ARFGEF2: variants seen among roughly 807,000 people sequenced by gnomAD.
ARFGEF2 encodes brefeldin A-inhibited guanine nucleotide-exchange protein 2.
A neutral mutation model predicts 219.9 loss-of-function variants in ARFGEF2; 74 were observed. The ratio of observed to expected loss-of-function variants is 0.34; its 90% confidence interval spans 0.28 to 0.41. The LOEUF (loss-of-function observed/expected upper bound fraction) is 0.41. ARFGEF2 is among the 10% of genes least tolerant of loss of function. ARFGEF2 has a pLI of 1.00. For synonymous variants in ARFGEF2, 733 were observed against 799.2 expected, an observed-to-expected ratio of 0.92 and a Z score of 1.40; for missense variants, 1,743 against 2,218.3, an observed-to-expected ratio of 0.79 and a Z score of 4.30.
chr20:48,995,540 A>G (rs192142861), intron 22 of ARFGEF2, among the ~76,000 whole-genome samples: 1 of 152,320 alleles, frequency 6.6e-6, no homozygotes. Flanking sequence ...AAAATGTAAA[A>G]GATTATAGAG....
intron 21 of ARFGEF2, among the ~76,000 whole-genome samples, chr20:48,991,453 A>G (rs1420268908): frequency 2.0e-5 from 3 of 149,376 alleles, no homozygotes; most frequent in East Asian, 2.0e-4. Flanking sequence ...CTTTCTTTCC[A>G]TATTAGTGCC....
At chr20:48,937,408 T>G (rs1255971784) in intron 1 of ARFGEF2, among the ~76,000 whole-genome samples, 1 of 152,100 alleles carries the variant, frequency 6.6e-6, no homozygotes, top group African/African-American at 2.4e-5. Flanking sequence ...CTTTCTTTCT[T>G]TATTTCTTTT....
At position 49,012,094 on chromosome 20, in the gene ARFGEF2, T is replaced by TC. The variant is rs772030458; in HGVS notation, c.3918+14dup. On this transcript the variant is annotated intron_variant, in intron 28 of 38. Coordinates refer to ENST00000371917, the MANE Select transcript of ARFGEF2 (RefSeq NM_006420.3). ...CTCTGAGAGGCCTCGGGTTCGTTTT[T>TC]CCCCACCTTACTCAGATGGGCAGTG... is the stretch of plus-strand genomic sequence containing the variant. 3 of 1,614,186 alleles carry TC rather than the reference T, an allele frequency of 1.9e-6. No individual in the cohort carries two copies. In the Admixed American group the frequency reaches 5.0e-5, roughly 27 times the overall value.
intron 37 of ARFGEF2, among the ~76,000 whole-genome samples, chr20:49,029,481 T>G (rs2091621023): frequency 1.3e-5 from 2 of 152,198 alleles, no homozygotes; most frequent in African/African-American, 2.4e-5. Context: ...ACATGGAATA[T>G]TCACTGCAGA....
At chr20:49,024,192 CAA>C (rs2091586480) in intron 35 of ARFGEF2, among the ~76,000 whole-genome samples, 2 of 152,060 alleles carry the variant, frequency 1.3e-5, no homozygotes, top group African/African-American at 4.8e-5. Context: ...AGCCTGGTCT[CAA>C]ACTCTTGGAC....
At chr20:48,980,617 A>T (rs1247706156) in intron 14 of ARFGEF2, among the ~76,000 whole-genome samples, 1 of 152,176 alleles carries the variant, frequency 6.6e-6, no homozygotes, top group Non-Finnish European at 1.5e-5. Flanking sequence ...TTGGGAGTCT[A>T]AGTCTCTTTG....
intron 30 of ARFGEF2, among the ~76,000 whole-genome samples, chr20:49,014,707 C>T (rs2091519998): frequency 6.6e-6 from 1 of 152,134 alleles, no homozygotes; most frequent in Admixed American, 6.5e-5. Flanking sequence ...GGGAGGATTA[C>T]TTGAGGCCAA....
chr20:48,944,875 T>C (rs1254595326), intron 3 of ARFGEF2, among the ~76,000 whole-genome samples: 1 of 152,194 alleles, frequency 6.6e-6, no homozygotes, highest in Non-Finnish European at 1.5e-5. Flanking sequence ...AAAGTTTTAT[T>C]GGAACACAGC....
chr20:48,976,243 A>C (rs763242748), intron 14 of ARFGEF2, 44 bp downstream of exon 14: 1 of 1,607,928 alleles, frequency 6.2e-7, no homozygotes, highest in East Asian at 2.2e-5. Flanking sequence ...TAGCAAAGCC[A>C]TATTTTCTCT....
At chr20:48,976,765 G>A (rs935163998) in intron 14 of ARFGEF2, among the ~76,000 whole-genome samples, 48 of 152,130 alleles carry the variant, frequency 3.2e-4, no homozygotes, top group African/African-American at 5.5e-4. Flanking sequence ...CAGAGATTGC[G>A]CCACTGCACT....
rs759544514 is a variant in ARFGEF2 at position 48,976,022 on chromosome 20, A to G, written c.1781A>G (p.Glu594Gly). ...NPNHQTSLGQ[E>G]RLTDQEIGDG... ...TACTTTTGTTTCTCCGCAGGTCAGG[A>G]GAGGCTCACGGATCAGGAAATAGGG... Residue 594 changes from glutamate to glycine, a missense_variant, in exon 14 of 39, where the codon GAG (glutamate) becomes GGG (glycine). Coordinates refer to ENST00000371917, the MANE Select transcript of ARFGEF2 (RefSeq NM_006420.3). The G allele has an allele frequency of 6.2e-7, 1 of 1,612,230 alleles. No homozygotes were observed. The highest frequency in any genetic ancestry group is 1.1e-5 in the South Asian group (1 of 90,994).
At chr20:48,930,027 G>A (rs1165145281) in intron 1 of ARFGEF2, among the ~76,000 whole-genome samples, 5 of 152,230 alleles carry the variant, frequency 3.3e-5, no homozygotes, top group African/African-American at 1.2e-4. Flanking sequence ...GGGAAGACCA[G>A]AGGGATTGCC....
At chr20:48,982,279 TC>T (rs1247729748) in intron 14 of ARFGEF2, among the ~76,000 whole-genome samples, 4 of 152,174 alleles carry the variant, frequency 2.6e-5, no homozygotes, top group African/African-American at 9.7e-5. Context: ...GGAGGTCCAC[TC>T]CAGACCCTGT....
chr20:48,988,256 C>T (rs1443308826), intron 16 of ARFGEF2, 48 bp from the exon 17 acceptor site: 1 of 1,404,380 alleles, frequency 7.1e-7, no homozygotes, highest in Non-Finnish European at 1.0e-6. Flanking sequence ...ATTGTACCTT[C>T]CAAACCGCAT....
intron 25 of ARFGEF2, among the ~76,000 whole-genome samples, chr20:49,002,992 G>A (rs1333491189): frequency 3.3e-5 from 4 of 122,036 alleles, no homozygotes; most frequent in African/African-American, 6.3e-5. Flanking sequence ...TTTTAGAGAC[G>A]GATCTTGCTC....
intron 28 of ARFGEF2, 54 bp from the exon 29 acceptor site, chr20:49,013,510 G>T: frequency 6.2e-7 from 1 of 1,612,810 alleles, no homozygotes; most frequent in South Asian, 1.1e-5. Context: ...TTCCCTTTCA[G>T]TTCCTTCCTT....
chr20:49,031,903 G>A (rs1274184803), intron 37 of ARFGEF2, 146 bp from the exon 38 acceptor site: 3 of 718,324 alleles, frequency 4.2e-6, no homozygotes, highest in Non-Finnish European at 7.3e-6. Flanking sequence ...GGGCCGCAGA[G>A]CAAGACCCTG....
intron 36 of ARFGEF2, among the ~76,000 whole-genome samples, chr20:49,026,679 G>A (rs913390833): frequency 1.3e-5 from 2 of 150,200 alleles, no homozygotes; most frequent in Non-Finnish European, 3.0e-5. Flanking sequence ...TCTACCTCCC[G>A]GGTTCAAGCA....
At chr20:48,968,350 A>G (rs1442746321) in intron 8 of ARFGEF2, among the ~76,000 whole-genome samples, 1 of 151,878 alleles carries the variant, frequency 6.6e-6, no homozygotes, top group Admixed American at 6.6e-5. Flanking sequence ...TTTTAGGTGA[A>G]AAAAGTTTAT....
Sources: gnomAD v4.1 joint callset for allele counts (sites outside exome capture counted in the v4.1 genomes callset) on GRCh38, gnomAD v4.1.1 for gene constraint, MANE v1.5 for transcripts, NCBI Gene and HGNC (gene_info 2026-07-23, HGNC 2026-07-21) for gene names.